The following DRICH1 variants were observed in gnomAD, a reference collection of about 807,000 sequenced individuals.
The protein encoded by DRICH1 is aspartate-rich protein 1.
In DRICH1, 38 loss-of-function variants were observed where a neutral mutation model predicts 39.5. That is an observed-to-expected ratio of 0.96 (90% CI 0.74 to 1.26). DRICH1 has a LOEUF of 1.26. Among genes scored for constraint, DRICH1 ranks in the 50% most tolerant of loss-of-function variants. The pLI, the probability that DRICH1 is intolerant of heterozygous loss-of-function variation, is 0.00. For synonymous variants in DRICH1, 84 were observed against 99.5 expected (o/e 0.84, Z 0.93); for missense variants, 279 against 270.4 (o/e 1.03, Z -0.22).
chr22:23,594,493 C>T, the DRICH1 span, among the ~76,000 whole-genome samples: 1 of 152,196 alleles, frequency 6.6e-6, no homozygotes, highest in African/African-American at 2.4e-5. Flanking sequence ...TTGCTTGAAC[C>T]TGGGAGACAG....
At chr22:23,612,972 C>T (rs1927129118) in intron 11 of DRICH1, among the ~76,000 whole-genome samples, 1 of 152,150 alleles carries the variant, frequency 6.6e-6, no homozygotes, top group Admixed American at 6.5e-5. Context: ...AGTGCTTAGG[C>T]CTATACCCCT....
At chr22:23,608,247 TC>T (rs1926843087), downstream of DRICH1, 1 of 155,442 alleles carries the variant, frequency 6.4e-6, no homozygotes, top group Non-Finnish European at 1.4e-5. Context: ...ACCAAGGCCC[TC>T]ACCATGCTGC....
chr22:23,583,639 T>A, the DRICH1 span, among the ~76,000 whole-genome samples: 1 of 152,218 alleles, frequency 6.6e-6, no homozygotes, highest in Admixed American at 6.5e-5. Context: ...GCCAGACAGC[T>A]CCCGATCCTC....
intron 2 of DRICH1, among the ~76,000 whole-genome samples, chr22:23,625,221 T>C (rs1039165513): frequency 2.0e-5 from 3 of 152,194 alleles, no homozygotes; most frequent in African/African-American, 7.2e-5. Flanking sequence ...TAGTGTGTCA[T>C]GTATTAGATG....
At chr22:23,624,840 G>C in intron 3 of DRICH1, 43 bp downstream of exon 3, 2 of 1,601,960 alleles carry the variant, frequency 1.2e-6, no homozygotes, top group Non-Finnish European at 1.7e-6. Context: ...ATTAAAGCTA[G>C]CAAGTTTGTT....
chr22:23,614,151 T>C lies in DRICH1; in HGVS notation c.605A>G (p.Asp202Gly), dbSNP rs746205514. The C allele has an allele frequency of 3.1e-6, 5 of 1,608,958 alleles. No individual in the cohort carries two copies. The highest frequency in any genetic ancestry group is 3.4e-6 in the Non-Finnish European group (4 of 1,175,518). Residue 202 changes from aspartate to glycine, a missense_variant, in exon 9 of 12, where the codon GAT (aspartate) becomes GGT (glycine). Physicochemically the swap from Asp to Gly is moderately conservative, Grantham distance 94. Transcript: ENST00000317749. ...AGGTCTTACGTGGATGTCATCATCATCTTCTTCTTCTTCATCTTTGTGTCT... is the reference window on the plus strand; with the variant it reads ...AGGTCTTACGTGGATGTCATCATCACCTTCTTCTTCTTCATCTTTGTGTCT... ...SLRHKDEEEE[D>G]DDDIHITARI...
the DRICH1 span, among the ~76,000 whole-genome samples, chr22:23,586,464 G>A: frequency 6.6e-6 from 1 of 152,196 alleles, no homozygotes; most frequent in South Asian, 2.1e-4. Context: ...ACTCCAGCCT[G>A]GGCAACAGTG....
rs371379626 is a variant in DRICH1 at position 23,608,529 on chromosome 22, C to T, written c.*235G>A. 4.0e-4 allele frequency: 218 copies of T among 539,526 alleles called. No individual in the cohort carries two copies. Among genetic ancestry groups the T allele is most frequent in the African/African-American group, 3.5e-3 (186 of 53,404 alleles). 33.4% of individuals were successfully genotyped at this position (539,526 alleles called of 1,614,324 possible). On this transcript the variant is annotated 3_prime_UTR_variant, in exon 12 of 12. Coordinates refer to ENST00000317749, the MANE Select transcript of DRICH1 (RefSeq NM_016449.4). ...GAGCACAGTCACGTCTCTTCTCACT[C>T]TCTTGCCAAAGGAGAAATGCCAGGC...
At chr22:23,588,478 G>A in the DRICH1 span, among the ~76,000 whole-genome samples, 1 of 152,194 alleles carries the variant, frequency 6.6e-6, no homozygotes, top group African/African-American at 2.4e-5. Flanking sequence ...GGAGGGTTCA[G>A]CCCACAGCAG....
the DRICH1 span, among the ~76,000 whole-genome samples, chr22:23,592,915 C>G: frequency 1.4e-3 from 213 of 150,670 alleles, no homozygotes; most frequent in Middle Eastern, 6.9e-3. Context: ...ACCTGTAATC[C>G]CAGCTACTCG....
chr22:23,606,211 TCCTCCACAGG>T (rs1362694262), downstream of DRICH1, among the ~76,000 whole-genome samples: 1 of 152,040 alleles, frequency 6.6e-6, no homozygotes. Context: ...CTGGCTTGTC[TCCTCCACAGG>T]CCTCCACATT....
At chr22:23,604,649 G>T (rs75907491), downstream of DRICH1, among the ~76,000 whole-genome samples, 3 of 152,152 alleles carry the variant, frequency 2.0e-5, no homozygotes, top group South Asian at 6.2e-4. Flanking sequence ...AGCTTTCCTC[G>T]TGGAAGCCCT....
At chr22:23,584,660 T>C in the DRICH1 span, among the ~76,000 whole-genome samples, 1 of 152,244 alleles carries the variant, frequency 6.6e-6, no homozygotes, top group Non-Finnish European at 1.5e-5. Flanking sequence ...GCCAGGGTGA[T>C]GTTTAATTTT....
At chr22:23,619,282 G>A in intron 6 of DRICH1, 82 bp downstream of exon 6, 1 of 746,888 alleles carries the variant, frequency 1.3e-6, no homozygotes, top group Admixed American at 1.7e-5. Flanking sequence ...ATACAAATAA[G>A]TTGAAAGGCT....
chr22:23,628,614 T>C (rs1480382711), intron 1 of DRICH1, among the ~76,000 whole-genome samples: 3 of 152,114 alleles, frequency 2.0e-5, no homozygotes, highest in African/African-American at 7.2e-5. Context: ...AGACAACCCT[T>C]GGCAAATAGT....
chr22:23,591,092 C>G, the DRICH1 span, among the ~76,000 whole-genome samples: 1 of 152,222 alleles, frequency 6.6e-6, no homozygotes, highest in African/African-American at 2.4e-5. Context: ...ACTTATTCCA[C>G]TAATTACAGA....
chr22:23,593,728 A>G, the DRICH1 span, among the ~76,000 whole-genome samples: 145 of 152,148 alleles, frequency 9.5e-4, 1 homozygote, highest in African/African-American at 3.1e-3. Flanking sequence ...CCTAGGAGGC[A>G]GAGGTTGCAG....
intron 1 of DRICH1, among the ~76,000 whole-genome samples, chr22:23,629,605 TTTC>T (rs1928272027): frequency 6.6e-6 from 1 of 152,026 alleles, no homozygotes; most frequent in Admixed American, 6.6e-5. Flanking sequence ...GATTGCAGCA[TTTC>T]TTTTTATTTA....
At chr22:23,613,567 A>T in intron 10 of DRICH1, 72 bp downstream of exon 10, 4 of 1,215,208 alleles carry the variant, frequency 3.3e-6, no homozygotes, top group Non-Finnish European at 4.9e-6. Flanking sequence ...GCAGGACCCC[A>T]GAATCAGGTT....
Sources: gnomAD v4.1 joint callset for allele counts (sites outside exome capture counted in the v4.1 genomes callset) on GRCh38, gnomAD v4.1.1 for gene constraint, MANE v1.5 for transcripts, NCBI Gene and HGNC (gene_info 2026-07-23, HGNC 2026-07-21) for gene names.